The following LRTM2 variants were observed in gnomAD, a reference collection of about 807,000 sequenced individuals.
LRTM2 encodes the protein leucine rich repeat transmembrane protein 2, also known as leucine-rich repeat and transmembrane domain-containing protein 2.
A neutral mutation model predicts 28.1 loss-of-function variants in LRTM2; 18 were observed. That is an observed-to-expected ratio of 0.64 (90% CI 0.44 to 0.95). The LOEUF is 0.95. Ranked by LOEUF, LRTM2 falls within the 40% of genes least tolerant of loss-of-function variation. LRTM2 has a pLI of 0.00. For synonymous variants in LRTM2, 250 were observed against 218.7 expected (o/e 1.14, Z -1.26); for missense variants, 436 against 497.2 (o/e 0.88, Z 1.17).
chr12:1,831,192 C>T lies in LRTM2; in HGVS notation c.325C>T (p.Arg109Cys), dbSNP rs979717837. ...CAACAACTTCCTGGACCGGCTGCCC[C>T]GCTCCATTTTCGGGGACCTGACGAA... ...LSNNFLDRLP[R>C]SIFGDLTNLT... The change falls in exon 4 of 5, where the codon CGC (arginine) becomes TGC (cysteine). Residue 109 changes from arginine (R) to cysteine (C), a missense_variant. Physicochemically the swap from Arg to Cys is radical, Grantham distance 180. Transcript: ENST00000299194. The T allele has an allele frequency of 6.2e-7, 1 of 1,613,892 alleles. No individual in the cohort carries two copies. The highest frequency in any genetic ancestry group is 8.5e-7 in the Non-Finnish European group (1 of 1,180,010).
chr12:1,828,707 C>A lies in LRTM2; in HGVS notation c.67+492C>A, dbSNP rs771569565. On this transcript the variant is annotated intron_variant, in intron 3 of 4. Coordinates refer to ENST00000299194, the MANE Select transcript of LRTM2 (RefSeq NM_001039029.3). The surrounding 1 kb of genome is among the most constrained non-coding windows in gnomAD (Gnocchi z 4.2). ...GCTCCTTATGCCTCCGCTTTCCCAA[C>A]TCTCGGTAGAGGACCTAGTGGGCTC... is the stretch of plus-strand genomic sequence containing the variant. Among the ~76,000 whole-genome samples the A allele has an allele frequency of 3.9e-5, 6 of 152,352 alleles. No homozygotes were observed. The highest frequency in any genetic ancestry group is 1.4e-4 in the African/African-American group (6 of 41,584).
rs1370006303 is a variant in LRTM2, at chr12:1,828,281, A to G, written c.67+66A>G. The G allele has an allele frequency of 5.8e-6, 8 of 1,381,414 alleles. No homozygotes were observed. The highest frequency in any genetic ancestry group is 2.3e-5 in the Admixed American group (1 of 43,962). 85.6% of individuals were successfully genotyped at this position (1,381,414 alleles called of 1,614,324 possible). ...TGGGGGTGCCGAGGTGACTGTAGGT[A>G]GCGCCATATGGGACCTTAGCCACAC... On this transcript the variant is annotated intron_variant, in intron 3 of 4. Transcript: ENST00000299194. The surrounding 1 kb of genome is among the most constrained non-coding windows in gnomAD (Gnocchi z 4.2).
chr12:1,830,073 A>C (rs916814394), intron 3 of LRTM2, among the ~76,000 whole-genome samples: 7 of 152,248 alleles, frequency 4.6e-5, no homozygotes, highest in African/African-American at 1.7e-4. Flanking sequence ...GGGACCAGGA[A>C]ACGAATTCTA....
In LRTM2 at chr12:1,834,470, GA is replaced by G; in HGVS notation, c.863del (p.Glu288GlyfsTer17). 6.2e-7 allele frequency: 1 copy of G among 1,610,632 alleles called. No individual in the cohort carries two copies. The highest frequency in any genetic ancestry group is 8.5e-7 in the Non-Finnish European group (1 of 1,179,816). On this transcript the variant is annotated frameshift_variant, in exon 5 of 5. Transcript: ENST00000299194. LOFTEE classifies it high-confidence loss of function. This position sits in a 1 kb window ranked among gnomAD's most constrained non-coding sequence, Gnocchi z 7.6. The stretch of plus-strand genomic sequence containing the variant: ...CAAGCCCGGGGCTGAGCCGGAGCCG[GA>G]GCCCAGCACAGCCTGCCCACAGAAG... ...KPKPGAEPEP[E>X]PSTACPQKQR...
chr12:1,831,064 T>A lies in LRTM2; in HGVS notation c.197T>A (p.Val66Glu). The change falls in exon 4 of 5, where the codon GTG (valine) becomes GAG (glutamate). Residue 66 changes from valine to glutamate, a missense_variant. By Grantham distance (121) the Val-to-Glu change is moderately radical. Coordinates refer to ENST00000299194, the MANE Select transcript of LRTM2 (RefSeq NM_001039029.3). ...GLGLTTVPPDVPAATRTLLLL... is the reference protein window; with the variant it reads ...GLGLTTVPPDEPAATRTLLLL... ...GGCCTCACCACGGTGCCCCCAGACG[T>A]GCCCGCAGCCACCCGAACCCTCTTG... 6.2e-7 allele frequency: 1 copy of A among 1,614,072 alleles called. No homozygotes were observed.
intron 1 of LRTM2, among the ~76,000 whole-genome samples, chr12:1,822,323 G>C (rs1308966297): frequency 1.3e-5 from 2 of 152,138 alleles, no homozygotes; most frequent in Non-Finnish European, 2.9e-5. Flanking sequence ...GCATGTATGT[G>C]ATGGTTGGGG....
rs760133119 is a variant in LRTM2, at chr12:1,834,452, G to C, written c.844G>C (p.Gly282Arg). Residue 282 changes from glycine to arginine, a missense_variant, in exon 5 of 5, where the codon GGG becomes CGG. By Grantham distance (125) the Gly-to-Arg change is moderately radical. Transcript: ENST00000299194. The surrounding 1 kb of genome is among the most constrained non-coding windows in gnomAD (Gnocchi z 7.6). ...ASPEPAKPKP[G>R]AEPEPEPSTA... ...TCCAGAGCCTGCTAAGCCCAAGCCCGGGGCTGAGCCGGAGCCGGAGCCCAG... is the reference window on the plus strand; with the variant it reads ...TCCAGAGCCTGCTAAGCCCAAGCCCCGGGCTGAGCCGGAGCCGGAGCCCAG... 1.2e-6 allele frequency: 2 copies of C among 1,611,830 alleles called. No individual in the cohort carries two copies. Among genetic ancestry groups the C allele is most frequent in the Admixed American group, 1.7e-5 (1 of 60,008 alleles).
Position 1,833,064 on chromosome 12 carries a change from C to A in LRTM2, c.659-1203C>A, listed in dbSNP as rs1032848129. Among the ~76,000 whole-genome samples the A allele has an allele frequency of 6.6e-6, 1 of 152,094 alleles. No homozygotes were observed. Among genetic ancestry groups the A allele is most frequent in the Non-Finnish European group, 1.5e-5 (1 of 68,020 alleles). On this transcript the variant is annotated intron_variant, in intron 4 of 4. Coordinates refer to ENST00000299194, the MANE Select transcript of LRTM2 (RefSeq NM_001039029.3). This position sits in a 1 kb window ranked among gnomAD's most constrained non-coding sequence, Gnocchi z 4.2. ...TCAGACCCTCCTCTCCTGTGGTCGCCGGGAACTGAATTCCCAGCACAAAAA... is the reference window on the plus strand; with the variant it reads ...TCAGACCCTCCTCTCCTGTGGTCGCAGGGAACTGAATTCCCAGCACAAAAA...
At position 1,828,573 on chromosome 12, in the gene LRTM2, G is replaced by T. The variant is rs1864467690; in HGVS notation, c.67+358G>T. Among the ~76,000 whole-genome samples, 1 of 152,244 alleles carries T rather than the reference G, an allele frequency of 6.6e-6. No individual in the cohort carries two copies. The highest frequency in any genetic ancestry group is 6.5e-5 in the Admixed American group (1 of 15,292). ...CTTAAACAGCCTCACTGGTGCCTGA[G>T]CTTGTCGGCCTGTGTCACAGACTGC... On this transcript the variant is annotated intron_variant, in intron 3 of 4. Coordinates refer to ENST00000299194, the MANE Select transcript of LRTM2 (RefSeq NM_001039029.3). The surrounding 1 kb of genome is among the most constrained non-coding windows in gnomAD (Gnocchi z 4.2).
rs541175224 is a variant in LRTM2 at position 1,834,144 on chromosome 12, G to A, written c.659-123G>A. On this transcript the variant is annotated intron_variant, in intron 4 of 4. Coordinates refer to ENST00000299194, the MANE Select transcript of LRTM2 (RefSeq NM_001039029.3). This position sits in a 1 kb window ranked among gnomAD's most constrained non-coding sequence, Gnocchi z 7.6. ...CCTCTTCTATAGATGGTGATTCCAG[G>A]ATTGACTACATTGCTGATAAAAACT... 1 of 1,130,616 alleles carries A rather than the reference G, an allele frequency of 8.8e-7. No individual in the cohort carries two copies. Among genetic ancestry groups the A allele is most frequent in the South Asian group, 1.7e-5 (1 of 58,576 alleles). The allele number at this position is 1,130,616 out of a possible 1,614,324, so 70.0% of individuals were successfully genotyped here. A position where few individuals can be genotyped will look rare whatever the true frequency, so the allele number is the denominator to read the frequency against.
At position 1,828,350 on chromosome 12, in the gene LRTM2, G is replaced by A. The variant is rs578123678; in HGVS notation, c.67+135G>A. On this transcript the variant is annotated intron_variant, in intron 3 of 4. Transcript: ENST00000299194. This position sits in a 1 kb window ranked among gnomAD's most constrained non-coding sequence, Gnocchi z 4.2. The stretch of plus-strand genomic sequence containing the variant: ...TACGCCAGATCTTCCTGGGGTACCC[G>A]AGGCTATGTTCTGGGAAGCCAGGGT... 51 of 732,240 alleles carry A rather than the reference G, an allele frequency of 7.0e-5. 1 individual carries two copies. Among genetic ancestry groups the A allele is most frequent in the South Asian group, 1.1e-4 (5 of 44,780 alleles). The allele number at this position is 732,240 out of a possible 1,614,324, so 45.4% of individuals were successfully genotyped here. A position where few individuals can be genotyped will look rare whatever the true frequency, so the allele number is the denominator to read the frequency against.
Position 1,828,188 on chromosome 12 carries a change from C to A in LRTM2, c.40C>A (p.Leu14Ile), listed in dbSNP as rs190717324. Reference sequence around the variant, plus strand: ...CAGCAGCCCTGGGCAGAGGGGCAGGCTCGCCCTGCAGTGGAGGCAAGTCTC... The same window carrying A: ...CAGCAGCCCTGGGCAGAGGGGCAGGATCGCCCTGCAGTGGAGGCAAGTCTC... Reference protein sequence around the residue: ...PGSSPGQRGRLALQWRQVSWI... With the variant: ...PGSSPGQRGRIALQWRQVSWI... Residue 14 changes from leucine to isoleucine, a missense_variant, in exon 3 of 5, where the codon CTC becomes ATC. Physicochemically the swap from Leu to Ile is conservative, Grantham distance 5. Transcript: ENST00000299194. The surrounding 1 kb of genome is among the most constrained non-coding windows in gnomAD (Gnocchi z 4.2). 2.6e-6 allele frequency: 4 copies of A among 1,547,078 alleles called. No individual in the cohort carries two copies. The highest frequency in any genetic ancestry group is 3.5e-6 in the Non-Finnish European group (4 of 1,145,476).
intron 1 of LRTM2, among the ~76,000 whole-genome samples, chr12:1,826,412 C>CTG (rs1555177864): frequency 2.4e-5 from 1 of 41,630 alleles, no homozygotes; most frequent in Non-Finnish European, 9.1e-5. Context: ...CCCCCCCCCC[C>CTG]CCCCGCCAAC....
rs146822635 is a variant in LRTM2, at chr12:1,824,899, G to A, written c.-258-2511G>A. 3.2e-3 allele frequency among the ~76,000 whole-genome samples: 481 copies of A among 152,298 alleles called. 1 individual carries two copies. The highest frequency in any genetic ancestry group is 0.011 in the African/African-American group (458 of 41,562). On this transcript the variant is annotated intron_variant, in intron 1 of 4. Transcript: ENST00000299194. ...ATGACTGGTGTTCCCTGCAAGCTGC[G>A]CTATTTTTCCTGCTCTTGGGAAGGC...
In LRTM2 at chr12:1,828,617, C is replaced by G. The variant is rs1169716442; in HGVS notation, c.67+402C>G. 6.6e-6 allele frequency among the ~76,000 whole-genome samples: 1 copy of G among 152,208 alleles called. No individual in the cohort carries two copies. The highest frequency in any genetic ancestry group is 1.9e-4 in the East Asian group (1 of 5,186). On this transcript the variant is annotated intron_variant, in intron 3 of 4. Transcript: ENST00000299194. The surrounding 1 kb of genome is among the most constrained non-coding windows in gnomAD (Gnocchi z 4.2). ...AGACTGCGGCGAGCCCTTTTGCTCCCGTGGGGAACTGCCCCCTTGGCTGGC... is the reference window on the plus strand; with the variant it reads ...AGACTGCGGCGAGCCCTTTTGCTCCGGTGGGGAACTGCCCCCTTGGCTGGC...
chr12:1,832,858 T>A (rs1864692134), intron 4 of LRTM2, among the ~76,000 whole-genome samples: 1 of 152,238 alleles, frequency 6.6e-6, no homozygotes, highest in Non-Finnish European at 1.5e-5. Context: ...AATTAAATAA[T>A]TTTCACAAGA....
In LRTM2 at chr12:1,828,101, C is replaced by T. The variant is rs1407042619; in HGVS notation, c.-48C>T. Reference sequence around the variant, plus strand: ...GACTGACAGGCGGCGCACCCAGGGGCTCCTCTCTCCCCAGAGCGACAGGGC... The same window carrying T: ...GACTGACAGGCGGCGCACCCAGGGGTTCCTCTCTCCCCAGAGCGACAGGGC... On this transcript the variant is annotated 5_prime_UTR_variant, in exon 3 of 5. Coordinates refer to ENST00000299194, the MANE Select transcript of LRTM2 (RefSeq NM_001039029.3). The surrounding 1 kb of genome is among the most constrained non-coding windows in gnomAD (Gnocchi z 4.2). 1.2e-5 allele frequency: 18 copies of T among 1,469,848 alleles called. No individual in the cohort carries two copies. In the East Asian group the frequency reaches 3.6e-4, roughly 29 times the overall value. The allele number at this position is 1,469,848 out of a possible 1,614,324, so 91.1% of individuals were successfully genotyped here. A position where few individuals can be genotyped will look rare whatever the true frequency, so the allele number is the denominator to read the frequency against.
rs975339938 is a variant in LRTM2 at position 1,833,094 on chromosome 12, T to A, written c.659-1173T>A. ...ACTGAATTCCCAGCACAAAAATGCA[T>A]GCCATGAGAATGTGCAGTTTTCAGA... On this transcript the variant is annotated intron_variant, in intron 4 of 4. Coordinates refer to ENST00000299194, the MANE Select transcript of LRTM2 (RefSeq NM_001039029.3). The surrounding 1 kb of genome is among the most constrained non-coding windows in gnomAD (Gnocchi z 4.2). 2.6e-5 allele frequency among the ~76,000 whole-genome samples: 4 copies of A among 152,236 alleles called. No homozygotes were observed. The highest frequency in any genetic ancestry group is 7.2e-5 in the African/African-American group (3 of 41,468).
Position 1,834,798 on chromosome 12 carries a change from C to T in LRTM2, c.*77C>T. 7 of 1,483,672 alleles carry T rather than the reference C, an allele frequency of 4.7e-6. No individual in the cohort carries two copies. Among genetic ancestry groups the T allele is most frequent in the Non-Finnish European group, 5.4e-6 (6 of 1,121,062 alleles). The allele number at this position is 1,483,672 out of a possible 1,614,324, so 91.9% of individuals were successfully genotyped here. A position where few individuals can be genotyped will look rare whatever the true frequency, so the allele number is the denominator to read the frequency against. ...TGCTCAGCCACAGCTCCCACCTTGA[C>T]CCGGCGCTGGCCACTGCCTCCCCGA... On this transcript the variant is annotated 3_prime_UTR_variant, in exon 5 of 5. Transcript: ENST00000299194. The surrounding 1 kb of genome is among the most constrained non-coding windows in gnomAD (Gnocchi z 7.6).
Sources: gnomAD v4.1 joint callset for allele counts (sites outside exome capture counted in the v4.1 genomes callset) on GRCh38, gnomAD v4.1.1 for gene constraint, Gnocchi (gnomAD v3.1) non-coding constraint, MANE v1.5 for transcripts, NCBI Gene and HGNC (gene_info 2026-07-23, HGNC 2026-07-21) for gene names.